Variants in CCDC33 observed in about 807,000 individuals in gnomAD.
CCDC33 encodes coiled-coil domain-containing protein 33.
A neutral mutation model predicts 91.9 loss-of-function variants in CCDC33; 94 were observed. The ratio of observed to expected loss-of-function variants is 1.02; its 90% CI spans 0.87 to 1.21. CCDC33 has a LOEUF of 1.21. Among genes scored for constraint, CCDC33 ranks in the 50% most tolerant of loss-of-function variants. CCDC33 has a pLI of 0.00. For synonymous variants in CCDC33, 396 were observed against 374.5 expected, an observed-to-expected ratio of 1.06 and a Z score of -0.66; for missense variants, 940 against 935.5, an observed-to-expected ratio of 1.00 and a Z score of -0.06.
upstream of CCDC33, among the ~76,000 whole-genome samples, chr15:74,232,684 C>T (rs1046168240): frequency 2.6e-5 from 4 of 152,200 alleles, no homozygotes; most frequent in African/African-American, 9.7e-5. Flanking sequence ...AAATGTTAAC[C>T]CTCTCTGAGC....
chr15:74,265,847 A>AGAGT (rs2076153088), intron 3 of CCDC33, among the ~76,000 whole-genome samples: 3 of 152,160 alleles, frequency 2.0e-5, no homozygotes, highest in African/African-American at 7.2e-5. Context: ...AACATGGCAA[A>AGAGT]ACCTTGTCTC....
At chr15:74,258,710 G>A (rs944705566) in intron 2 of CCDC33, among the ~76,000 whole-genome samples, 32 of 152,266 alleles carry the variant, frequency 2.1e-4, no homozygotes, top group African/African-American at 7.5e-4. Flanking sequence ...GAGTGAGGGG[G>A]AAAGCGGCTC....
At chr15:74,289,683 G>C (rs1373246025) in intron 10 of CCDC33, among the ~76,000 whole-genome samples, 3 of 152,158 alleles carry the variant, frequency 2.0e-5, no homozygotes, top group Admixed American at 2.0e-4. Context: ...CCACTTGGGG[G>C]TGCTGGGGCA....
intron 7 of CCDC33, among the ~76,000 whole-genome samples, chr15:74,277,166 G>A (rs1214629429): frequency 1.3e-5 from 2 of 152,246 alleles, no homozygotes; most frequent in African/African-American, 4.8e-5. Context: ...CTTTCAAAGT[G>A]AGGAGTTTGA....
intron 2 of CCDC33, among the ~76,000 whole-genome samples, chr15:74,211,858 C>T (rs1435835729): frequency 6.6e-6 from 1 of 152,098 alleles, no homozygotes; most frequent in Non-Finnish European, 1.5e-5. Flanking sequence ...TACTTTCCTT[C>T]TGTCTCTCCT....
chr15:74,282,545 A>G (rs1048954866), intron 10 of CCDC33, among the ~76,000 whole-genome samples: 4 of 152,196 alleles, frequency 2.6e-5, no homozygotes, highest in Non-Finnish European at 5.9e-5. Context: ...GAGGGATTTT[A>G]GAGGGGCTGG....
At chr15:74,255,021 T>G (rs942545930) in intron 2 of CCDC33, among the ~76,000 whole-genome samples, 6 of 152,086 alleles carry the variant, frequency 3.9e-5, no homozygotes, top group African/African-American at 1.4e-4. Context: ...ATGCTGGAAT[T>G]ACAGGTGTGA....
intron 2 of CCDC33, among the ~76,000 whole-genome samples, chr15:74,255,074 C>CA (rs2075820086): frequency 6.6e-6 from 1 of 150,492 alleles, no homozygotes; most frequent in African/African-American, 2.4e-5. Context: ...GATCCCCCCT[C>CA]ACCTAGGCAT....
At chr15:74,233,453 C>T (rs751688798), upstream of CCDC33, among the ~76,000 whole-genome samples, 4 of 152,242 alleles carry the variant, frequency 2.6e-5, no homozygotes, top group Admixed American at 6.5e-5. Flanking sequence ...CCAGGACCTT[C>T]GAGGGCTGCT....
At chr15:74,289,447 C>G (rs2059543862) in intron 10 of CCDC33, among the ~76,000 whole-genome samples, 1 of 152,212 alleles carries the variant, frequency 6.6e-6, no homozygotes, top group Non-Finnish European at 1.5e-5. Context: ...GGCCTAGTGG[C>G]TCATGCCCAT....
intron 11 of CCDC33, among the ~76,000 whole-genome samples, chr15:74,313,961 C>T (rs1019971473): frequency 6.6e-5 from 10 of 152,288 alleles, no homozygotes; most frequent in Admixed American, 5.9e-4. Flanking sequence ...CTACCAGCCC[C>T]TCCTTGCCGC....
intron 2 of CCDC33, among the ~76,000 whole-genome samples, chr15:74,253,416 G>A (rs2075768902): frequency 6.6e-6 from 1 of 152,166 alleles, no homozygotes; most frequent in African/African-American, 2.4e-5. Flanking sequence ...TGGGGCTCTG[G>A]GCACCGATTA....
intron 1 of CCDC33, chr15:74,209,047 A>C: frequency 8.5e-7 from 1 of 1,176,532 alleles, no homozygotes; most frequent in Non-Finnish European, 1.1e-6. Context: ...CCCGGAAGGC[A>C]GCTCCCCCCT....
chr15:74,225,847 G>A lies in CCDC33; in HGVS notation c.675+6986G>A, dbSNP rs537463369. On this transcript the variant is annotated intron_variant, in intron 2 of 2. Transcript: ENST00000635913. ...AGTGAGCCCACCCTGGCCCTGGTGA[G>A]GGGTAGGGCTGTTAGGCCAGCCCAG... 6.6e-5 allele frequency among the ~76,000 whole-genome samples: 10 copies of A among 152,310 alleles called. No individual in the cohort carries two copies. The East Asian group carries it at 1.5e-3, about 24-fold the overall frequency.
rs1401918569 is a variant in CCDC33 at position 74,331,244 on chromosome 15, G to A, written c.1719G>A (p.Gln573=). 3 of 1,614,050 alleles carry A rather than the reference G, an allele frequency of 1.9e-6. No individual in the cohort carries two copies. Among genetic ancestry groups the A allele is most frequent in the African/African-American group, 2.7e-5 (2 of 74,936 alleles). Residue 573 remains glutamine, a synonymous_variant, in exon 15 of 19, where the codon CAG becomes CAA. Coordinates refer to ENST00000398814, the MANE Select transcript of CCDC33 (RefSeq NM_025055.5). Reference sequence around the variant, plus strand: ...AGCGGGTGCTGGAGGACAGGCTGCAGGACAGGAGCAAGCCCCCTCCTCTGA... The same window carrying A: ...AGCGGGTGCTGGAGGACAGGCTGCAAGACAGGAGCAAGCCCCCTCCTCTGA... ...KMERVLEDRL[Q]DRSKPPPLNR...
chr15:74,246,194 A>T (rs569682042), intron 2 of CCDC33, among the ~76,000 whole-genome samples: 1 of 152,262 alleles, frequency 6.6e-6, no homozygotes, highest in Non-Finnish European at 1.5e-5. Flanking sequence ...GAAGACTTCA[A>T]TGTAAGACCT....
chr15:74,253,449 T>A (rs1050557830), intron 2 of CCDC33, among the ~76,000 whole-genome samples: 1 of 152,178 alleles, frequency 6.6e-6, no homozygotes, highest in East Asian at 1.9e-4. Flanking sequence ...CCCTGTGTAT[T>A]CCCTGATTCT....
chr15:74,271,246 C>T (rs141307521), intron 5 of CCDC33, among the ~76,000 whole-genome samples: 96 of 152,198 alleles, frequency 6.3e-4, no homozygotes, highest in Admixed American at 1.1e-3. Context: ...TGCTCTCTCA[C>T]AAACGATCTA....
At chr15:74,294,009 GT>G (rs2059632858) in intron 10 of CCDC33, among the ~76,000 whole-genome samples, 2 of 152,336 alleles carry the variant, frequency 1.3e-5, no homozygotes, top group Admixed American at 1.3e-4. Context: ...AATTTCAGTG[GT>G]AAAGTGAAGG....
Sources: allele counts gnomAD v4.1 joint callset (sites outside exome capture counted in the v4.1 genomes callset), GRCh38; gene constraint gnomAD v4.1.1; transcripts MANE v1.5; gene names NCBI Gene and HGNC (gene_info 2026-07-23, HGNC 2026-07-21).